The following ODAD2 variants were observed in gnomAD, a reference collection of about 807,000 sequenced individuals.
ODAD2 encodes outer dynein arm-docking complex subunit 2.
ODAD2 carries 89 observed loss-of-function variants against 106.8 expected under a neutral mutation model. The ratio of observed to expected loss-of-function variants is 0.83; its 90% CI spans 0.70 to 0.99. The LOEUF is 0.99. Ranked by LOEUF, ODAD2 falls within the 50% of genes least tolerant of loss-of-function variation. The pLI is 0.00. For synonymous variants in ODAD2, 404 were observed against 436.2 expected, an observed-to-expected ratio of 0.93 and a Z score of 0.92; for missense variants, 1,168 against 1,238.5, an observed-to-expected ratio of 0.94 and a Z score of 0.85.
intron 17 of ODAD2, among the ~76,000 whole-genome samples, chr10:27,864,387 G>C (rs189786862): frequency 4.1e-5 from 6 of 146,464 alleles, no homozygotes; most frequent in Non-Finnish European, 3.0e-5. Context: ...GGATGCAGAT[G>C]AATGTATGGG....
chr10:27,957,835 G>A (rs1013354040), intron 10 of ODAD2, among the ~76,000 whole-genome samples: 4 of 152,084 alleles, frequency 2.6e-5, no homozygotes, highest in Admixed American at 6.6e-5. Flanking sequence ...TAATGAGCTC[G>A]TTAAATCTTT....
At chr10:27,813,448 GAAAC>G (rs1835894127) in intron 19 of ODAD2, 1 of 152,172 alleles carries the variant, frequency 6.6e-6, no homozygotes, top group Non-Finnish European at 1.5e-5. Context: ...AATGCTTAAA[GAAAC>G]GTACAGTATC....
At chr10:27,841,687 C>A (rs901735432) in intron 19 of ODAD2, among the ~76,000 whole-genome samples, 1 of 152,114 alleles carries the variant, frequency 6.6e-6, no homozygotes, top group African/African-American at 2.4e-5. Flanking sequence ...TGAGCCACCA[C>A]CCCGGCAGAT....
intron 19 of ODAD2, among the ~76,000 whole-genome samples, chr10:27,857,994 G>A (rs181451054): frequency 1.3e-5 from 2 of 152,318 alleles, no homozygotes; most frequent in East Asian, 3.9e-4. Flanking sequence ...TTCGAAGTCA[G>A]AAATGTTAGC....
Position 27,941,338 on chromosome 10 carries a change from A to C in ODAD2, c.1744-533T>G, listed in dbSNP as rs190074077. ...GTTTCCACTGGAAAAAAAAAAAAAA[A>C]GCTGGATGTGGTGGTGCATGTGTGT... is the stretch of plus-strand genomic sequence containing the variant. On this transcript the variant is annotated intron_variant, in intron 12 of 19. Coordinates refer to ENST00000305242, the MANE Select transcript of ODAD2 (RefSeq NM_018076.5). Among the ~76,000 whole-genome samples the C allele has an allele frequency of 5.7e-4, 81 of 142,410 alleles. 1 individual carries two copies. In the East Asian group the frequency reaches 0.013, roughly 23 times the overall value. The allele number at this position is 142,410 out of a possible 152,430, so 93.4% of individuals were successfully genotyped here. A position where few individuals can be genotyped will look rare whatever the true frequency, so the allele number is the denominator to read the frequency against.
chr10:27,819,822 C>A (rs1255574805), intron 19 of ODAD2, among the ~76,000 whole-genome samples: 1 of 117,554 alleles, frequency 8.5e-6, no homozygotes, highest in Non-Finnish European at 1.8e-5. Flanking sequence ...ATTTAAGAGA[C>A]CTTATCTCTT....
intron 2 of ODAD2, among the ~76,000 whole-genome samples, chr10:27,988,926 C>T (rs548588236): frequency 6.6e-6 from 1 of 152,086 alleles, no homozygotes; most frequent in African/African-American, 2.4e-5. Flanking sequence ...AACATAATCA[C>T]CAGGGTTCTT....
chr10:27,945,514 G>C (rs1436123851), intron 10 of ODAD2, among the ~76,000 whole-genome samples: 1 of 152,164 alleles, frequency 6.6e-6, no homozygotes, highest in Non-Finnish European at 1.5e-5. Flanking sequence ...TGGGCAGGAC[G>C]AAGAAGAAAG....
chr10:27,957,452 C>G (rs1847813122), intron 10 of ODAD2: 1 of 152,104 alleles, frequency 6.6e-6, no homozygotes, highest in Non-Finnish European at 1.5e-5. Flanking sequence ...TCTCTCTACT[C>G]AAGAAGTAGA....
Position 27,983,856 on chromosome 10 carries a change from ACTC to A in ODAD2, c.803_805del (p.Gly268del). The A allele has an allele frequency of 6.2e-7, 1 of 1,613,048 alleles. No individual in the cohort carries two copies. The highest frequency in any genetic ancestry group is 8.5e-7 in the Non-Finnish European group (1 of 1,179,770). On this transcript the variant is annotated inframe_deletion, in exon 6 of 20. Coordinates refer to ENST00000305242, the MANE Select transcript of ODAD2 (RefSeq NM_018076.5). The stretch of plus-strand genomic sequence containing the variant: ...AAATTTACTTACACCATTTAAAAAT[ACTC>A]CTCCTGCACTGCAAGTAATGCACAG...
intron 13 of ODAD2, 104 bp downstream of exon 13, chr10:27,940,459 T>C (rs1043689414): frequency 2.9e-6 from 4 of 1,396,066 alleles, no homozygotes; most frequent in Admixed American, 4.4e-5. Flanking sequence ...TGCTGACTTC[T>C]AGAAAAAGAA....
intron 19 of ODAD2, among the ~76,000 whole-genome samples, chr10:27,845,705 C>A (rs536794351): frequency 6.6e-6 from 1 of 151,906 alleles, no homozygotes; most frequent in Non-Finnish European, 1.5e-5. Flanking sequence ...CACATAGGAT[C>A]AAAATAAAGG....
chr10:27,858,166 A>G (rs1392541343), intron 19 of ODAD2, among the ~76,000 whole-genome samples: 4 of 152,114 alleles, frequency 2.6e-5, no homozygotes, highest in Non-Finnish European at 5.9e-5. Flanking sequence ...ATATCCAAGC[A>G]AATATCAAAT....
At chr10:27,868,861 TAATAA>T (rs896512356) in intron 17 of ODAD2, among the ~76,000 whole-genome samples, 9 of 151,544 alleles carry the variant, frequency 5.9e-5, no homozygotes, top group African/African-American at 1.9e-4. Context: ...TAAAAATAAA[TAATAA>T]AATAAAATTT....
intron 19 of ODAD2, among the ~76,000 whole-genome samples, chr10:27,855,137 T>G (rs1298884659): frequency 6.6e-6 from 1 of 152,156 alleles, no homozygotes; most frequent in African/African-American, 2.4e-5. Context: ...TCTATCAAAG[T>G]GTACACCTTA....
intron 7 of ODAD2, among the ~76,000 whole-genome samples, chr10:27,975,747 T>A (rs968716495): frequency 1.3e-5 from 2 of 152,182 alleles, no homozygotes; most frequent in Non-Finnish European, 2.9e-5. Flanking sequence ...CAATATTAAT[T>A]CTATACAAAC....
At chr10:27,942,084 C>T (rs1272283453) in intron 12 of ODAD2, among the ~76,000 whole-genome samples, 1 of 152,172 alleles carries the variant, frequency 6.6e-6, no homozygotes, top group African/African-American at 2.4e-5. Context: ...TGGGATTGAA[C>T]ACAGATGCAC....
rs7921228 is a variant in ODAD2, at chr10:27,939,621, C to G, written c.2097+276G>C. On this transcript the variant is annotated intron_variant, in intron 14 of 19. Transcript: ENST00000305242. ...GGCATGGTGGTAAACACCTGAAGTG[C>G]CGGCTACTTGGGAGGCAGAGATGGG... Among the ~76,000 whole-genome samples, 61,973 of 151,780 alleles carry G rather than the reference C, an allele frequency of 0.41. 13,374 individuals are homozygous for G. Among genetic ancestry groups the G allele is most frequent in the Middle Eastern group, 0.6 (177 of 294 alleles).
At chr10:27,973,790 T>C (rs1045333284) in intron 7 of ODAD2, among the ~76,000 whole-genome samples, 2 of 152,212 alleles carry the variant, frequency 1.3e-5, no homozygotes, top group African/African-American at 4.8e-5. Flanking sequence ...TTTCTCTGGG[T>C]ATATACCCAG....
Sources: gnomAD v4.1 joint callset for allele counts (sites outside exome capture counted in the v4.1 genomes callset) on GRCh38, gnomAD v4.1.1 for gene constraint, MANE v1.5 for transcripts, NCBI Gene and HGNC (gene_info 2026-07-23, HGNC 2026-07-21) for gene names.